Variants in MFSD6 observed in about 807,000 individuals in gnomAD.
The protein encoded by MFSD6 is major facilitator superfamily domain containing 6.
MFSD6 carries 26 observed loss-of-function variants against 56.3 expected under a neutral mutation model. The observed-to-expected ratio is 0.46, with a 90% CI of 0.34 to 0.64. MFSD6 has a LOEUF of 0.64. Among genes scored for constraint, MFSD6 ranks in the 30% least tolerant of loss-of-function variants. The pLI is 0.01. For missense variants in MFSD6, 750 were observed against 986.2 expected, an observed-to-expected ratio of 0.76 and a Z score of 3.21; for synonymous variants, 331 against 366.9, an observed-to-expected ratio of 0.90 and a Z score of 1.12.
chr2:190,497,983 A>C lies in MFSD6; in HGVS notation c.2172+264A>C. 3.2e-6 allele frequency: 1 copy of C among 313,864 alleles called. No homozygotes were observed. The highest frequency in any genetic ancestry group is 5.9e-6 in the Non-Finnish European group (1 of 170,466). The allele number at this position is 313,864 out of a possible 1,614,324, so 19.4% of individuals were successfully genotyped here. A position where few individuals can be genotyped will look rare whatever the true frequency, so the allele number is the denominator to read the frequency against. ...TTCACTTCTTGAAAGAAATAAAATA[A>C]ATTAATCCATTCTTTCATTGTATAT... On this transcript the variant is annotated intron_variant, in intron 7 of 7. Transcript: ENST00000392328. This position sits in a 1 kb window ranked among gnomAD's most constrained non-coding sequence, Gnocchi z 5.2.
intron 3 of MFSD6, among the ~76,000 whole-genome samples, chr2:190,468,996 G>A (rs1317526353): frequency 3.9e-5 from 6 of 152,092 alleles, no homozygotes; most frequent in Non-Finnish European, 7.3e-5. Context: ...AGTTCAGAAC[G>A]AGAGACTGAA....
In MFSD6 at chr2:190,456,778, A is replaced by G. The variant is rs1254792834; in HGVS notation, c.1533-12980A>G. Among the ~76,000 whole-genome samples, 1 of 152,228 alleles carries G rather than the reference A, an allele frequency of 6.6e-6. No homozygotes were observed. The highest frequency in any genetic ancestry group is 1.5e-5 in the Non-Finnish European group (1 of 68,040). On this transcript the variant is annotated intron_variant, in intron 3 of 7. Transcript: ENST00000392328. The surrounding 1 kb of genome is among the most constrained non-coding windows in gnomAD (Gnocchi z 5.4). Reference sequence around the variant, plus strand: ...GGCTCACCCCTCGTCCTGCCTCAGCATCGATACCTGCAGTTTCTGTGGCTA... The same window carrying G: ...GGCTCACCCCTCGTCCTGCCTCAGCGTCGATACCTGCAGTTTCTGTGGCTA...
At chr2:190,474,699 C>A (rs536679993) in intron 4 of MFSD6, among the ~76,000 whole-genome samples, 9 of 152,296 alleles carry the variant, frequency 5.9e-5, no homozygotes, top group African/African-American at 1.9e-4. Flanking sequence ...AGAGGGAATC[C>A]TCCCTAACTC....
chr2:190,409,658 C>T (rs773073838), intron 1 of MFSD6, among the ~76,000 whole-genome samples: 3 of 152,126 alleles, frequency 2.0e-5, no homozygotes, highest in Non-Finnish European at 4.4e-5. Context: ...ATACAGTTGA[C>T]TAAAATATGT....
chr2:190,466,262 C>G (rs1019234867), intron 3 of MFSD6, among the ~76,000 whole-genome samples: 2 of 152,206 alleles, frequency 1.3e-5, no homozygotes, highest in Admixed American at 6.5e-5. Flanking sequence ...GACTTCAGCA[C>G]ATGAACTGGG....
rs1357908184 is a variant in MFSD6, at chr2:190,497,360, GTTTA to G, written c.1892-67_1892-64del. On this transcript the variant is annotated intron_variant, in intron 6 of 7. Transcript: ENST00000392328. This position sits in a 1 kb window ranked among gnomAD's most constrained non-coding sequence, Gnocchi z 5.2. ...CTGGAATGGGTATATGGGATTCTTG[GTTTA>G]TTTATTTATTTTTACCTTTGTTCAA... 19 of 1,497,902 alleles carry G rather than the reference GTTTA, an allele frequency of 1.3e-5. No individual in the cohort carries two copies. The highest frequency in any genetic ancestry group is 5.7e-5 in the Admixed American group (3 of 52,480). The allele number at this position is 1,497,902 out of a possible 1,614,324, so 92.8% of individuals were successfully genotyped here.
At chr2:190,427,517 C>T (rs1333716981) in intron 2 of MFSD6, among the ~76,000 whole-genome samples, 1 of 152,204 alleles carries the variant, frequency 6.6e-6, no homozygotes, top group Non-Finnish European at 1.5e-5. Context: ...CCTATCTTCA[C>T]CCATCAGTAT....
Position 190,436,836 on chromosome 2 carries a change from T to A in MFSD6, c.807T>A (p.Ser269=), listed in dbSNP as rs1429601515. 6.2e-6 allele frequency: 10 copies of A among 1,614,184 alleles called. No individual in the cohort carries two copies. The highest frequency in any genetic ancestry group is 8.5e-6 in the Non-Finnish European group (10 of 1,180,022). The change falls in exon 3 of 8, where the codon TCT becomes TCA. Residue 269 remains serine (S), a synonymous_variant. Coordinates refer to ENST00000392328, the MANE Select transcript of MFSD6 (RefSeq NM_017694.4). The surrounding 1 kb of genome is among the most constrained non-coding windows in gnomAD (Gnocchi z 5.3). The stretch of plus-strand genomic sequence containing the variant: ...CTGTTATTGTTACCACCACCAAATC[T>A]TTACCTTCTGACCAAGTCATGCTTG... ...TTTVIVTTTK[S]LPSDQVMLVY... is the part of the protein sequence containing the mutation.
At position 190,499,145 on chromosome 2, in the gene MFSD6, C is replaced by A. The variant is rs897525818; in HGVS notation, c.2173-870C>A. 2.0e-5 allele frequency among the ~76,000 whole-genome samples: 3 copies of A among 152,066 alleles called. No individual in the cohort carries two copies. The highest frequency in any genetic ancestry group is 7.3e-5 in the African/African-American group (3 of 41,374). On this transcript the variant is annotated intron_variant, in intron 7 of 7. Transcript: ENST00000392328. This position sits in a 1 kb window ranked among gnomAD's most constrained non-coding sequence, Gnocchi z 6.0. Reference sequence around the variant, plus strand: ...CCTAGGCGACAGAGTGAGACTCCGTCTCAAAATTATAATAACAATAATAAA... The same window carrying A: ...CCTAGGCGACAGAGTGAGACTCCGTATCAAAATTATAATAACAATAATAAA...
In MFSD6 at chr2:190,469,783, A is replaced by G; in HGVS notation, c.1558A>G (p.Asn520Asp). ...IRVLYIGLAC[N>D]TARYIYISYL... is the part of the protein sequence containing the mutation. ...GGTTCTGTACATTGGCCTGGCCTGCAATACGGCTCGCTATATTTATATTTC... is the reference window on the plus strand; with the variant it reads ...GGTTCTGTACATTGGCCTGGCCTGCGATACGGCTCGCTATATTTATATTTC... The change falls in exon 4 of 8, where the codon AAT becomes GAT. Residue 520 changes from asparagine (N) to aspartate (D), a missense_variant. This residue lies in a region of MFSD6 where 125 missense variants were observed against 223.1 expected (regional missense o/e 0.56). Coordinates refer to ENST00000392328, the MANE Select transcript of MFSD6 (RefSeq NM_017694.4). This position sits in a 1 kb window ranked among gnomAD's most constrained non-coding sequence, Gnocchi z 5.3. 2 of 1,606,316 alleles carry G rather than the reference A, an allele frequency of 1.2e-6. No homozygotes were observed.
rs1043427103 is a variant in MFSD6 at position 190,439,298 on chromosome 2, G to T, written c.1532+1737G>T. Among the ~76,000 whole-genome samples the T allele has an allele frequency of 2.0e-5, 3 of 152,004 alleles. No homozygotes were observed. In the East Asian group the frequency reaches 5.8e-4, roughly 29 times the overall value. On this transcript the variant is annotated intron_variant, in intron 3 of 7. Coordinates refer to ENST00000392328, the MANE Select transcript of MFSD6 (RefSeq NM_017694.4). The surrounding 1 kb of genome is among the most constrained non-coding windows in gnomAD (Gnocchi z 5.8). ...GACATCATTATTTAATAAGTCAATA[G>T]CATGAGTTGAACACTGACTCAGTAC... is the stretch of plus-strand genomic sequence containing the variant.
At chr2:190,435,280 G>A (rs1053858544) in intron 2 of MFSD6, 3 of 152,178 alleles carry the variant, frequency 2.0e-5, no homozygotes, top group Non-Finnish European at 4.4e-5. Context: ...GAATATGAAT[G>A]AATACATGTA....
intron 4 of MFSD6, among the ~76,000 whole-genome samples, chr2:190,482,903 T>TTTTTG (rs544591315): frequency 0.055 from 4,749 of 86,032 alleles, 1,656 homozygotes; most frequent in African/African-American, 0.081. Context: ...TTTTTTTTTT[T>TTTTTG]AGACGGAGTC....
rs1688953244 is a variant in MFSD6, at chr2:190,485,387, A to C, written c.1631-3270A>C. Among the ~76,000 whole-genome samples, 1 of 152,300 alleles carries C rather than the reference A, an allele frequency of 6.6e-6. No homozygotes were observed. Among genetic ancestry groups the C allele is most frequent in the South Asian group, 2.1e-4 (1 of 4,826 alleles). ...TTGGCGTCAGCATTAAAGTTAACCT[A>C]CTACCATTTGATGTGTTTTCAGGTT... On this transcript the variant is annotated intron_variant, in intron 4 of 7. Coordinates refer to ENST00000392328, the MANE Select transcript of MFSD6 (RefSeq NM_017694.4). The surrounding 1 kb of genome is among the most constrained non-coding windows in gnomAD (Gnocchi z 5.1).
chr2:190,479,106 G>A (rs1688514448), intron 4 of MFSD6, among the ~76,000 whole-genome samples: 1 of 152,138 alleles, frequency 6.6e-6, no homozygotes, highest in Non-Finnish European at 1.5e-5. Flanking sequence ...AGATGGGTTT[G>A]TGAAGAAACA....
At position 190,479,545 on chromosome 2, in the gene MFSD6, G is replaced by T. The variant is rs373848130; in HGVS notation, c.1631-9112G>T. On this transcript the variant is annotated intron_variant, in intron 4 of 7. Coordinates refer to ENST00000392328, the MANE Select transcript of MFSD6 (RefSeq NM_017694.4). The stretch of plus-strand genomic sequence containing the variant: ...ATTAAACATTCATGATTTTGATCAA[G>T]AATATAAATATTTGATTAAAATAAA... Among the ~76,000 whole-genome samples, 10 of 152,268 alleles carry T rather than the reference G, an allele frequency of 6.6e-5. No homozygotes were observed. The East Asian group carries it at 1.4e-3, about 21-fold the overall frequency.
rs538257211 is a variant in MFSD6 at position 190,410,854 on chromosome 2, A to C, written c.-176+2351A>C. Among the ~76,000 whole-genome samples, 1 of 150,850 alleles carries C rather than the reference A, an allele frequency of 6.6e-6. No homozygotes were observed. Among genetic ancestry groups the C allele is most frequent in the South Asian group, 2.1e-4 (1 of 4,718 alleles). ...AGGTGGATCACGAAGTCAGGAGTTC[A>C]AGACCAGCCTGGCCAAGATGGTGAA... On this transcript the variant is annotated intron_variant, in intron 1 of 7. Coordinates refer to ENST00000392328, the MANE Select transcript of MFSD6 (RefSeq NM_017694.4). The surrounding 1 kb of genome is among the most constrained non-coding windows in gnomAD (Gnocchi z 4.4).
intron 2 of MFSD6, among the ~76,000 whole-genome samples, chr2:190,430,557 G>T (rs1376333448): frequency 5.9e-5 from 9 of 151,764 alleles, no homozygotes; most frequent in African/African-American, 9.7e-5. Flanking sequence ...CAAGGCAGAA[G>T]AATTTTTCTT....
At chr2:190,427,561 T>A (rs1025228629) in intron 2 of MFSD6, among the ~76,000 whole-genome samples, 1 of 152,232 alleles carries the variant, frequency 6.6e-6, no homozygotes, top group Non-Finnish European at 1.5e-5. Context: ...ATACTTGTGT[T>A]GTTCCTTGGG....
Sources: gnomAD v4.1 joint callset for allele counts (sites outside exome capture counted in the v4.1 genomes callset) on GRCh38, gnomAD v4.1.1 for gene constraint, gnomAD v4.1.1 regional missense constraint, Gnocchi (gnomAD v3.1) non-coding constraint, MANE v1.5 for transcripts, NCBI Gene and HGNC (gene_info 2026-07-23, HGNC 2026-07-21) for gene names.